Variants in TAOK3 observed in about 807,000 individuals in gnomAD.
TAOK3 encodes serine/threonine-protein kinase TAO3.
In TAOK3, 40 loss-of-function variants were observed where a neutral mutation model predicts 120.4. The observed-to-expected ratio is 0.33, with a 90% confidence interval of 0.26 to 0.43. The LOEUF is 0.43. Among genes scored for constraint, TAOK3 ranks in the 20% least tolerant of loss-of-function variants. TAOK3 has a pLI of 1.00. For missense variants in TAOK3, 821 were observed against 1,112.1 expected (o/e 0.74, Z 3.72); for synonymous variants, 355 against 387.5 (o/e 0.92, Z 0.99).
At chr12:118,174,560 A>G (rs558240246) in intron 16 of TAOK3, among the ~76,000 whole-genome samples, 1 of 152,256 alleles carries the variant, frequency 6.6e-6, no homozygotes, top group East Asian at 1.9e-4. Context: ...CAAATATCTC[A>G]ATGTTACAAA....
intron 1 of TAOK3, among the ~76,000 whole-genome samples, chr12:118,321,329 C>T (rs1343824053): frequency 2.6e-5 from 4 of 152,126 alleles, no homozygotes; most frequent in South Asian, 2.1e-4. Flanking sequence ...GGCACAATCA[C>T]GGCTCACTGC....
At chr12:118,178,597 A>C (rs1238848894) in intron 15 of TAOK3, among the ~76,000 whole-genome samples, 2 of 152,120 alleles carry the variant, frequency 1.3e-5, no homozygotes, top group African/African-American at 4.8e-5. Context: ...AGCTGGGATT[A>C]CAGGCACAAG....
At chr12:118,230,041 A>AT in intron 9 of TAOK3, among the ~76,000 whole-genome samples, 1 of 152,292 alleles carries the variant, frequency 6.6e-6, no homozygotes, top group South Asian at 2.1e-4. Context: ...AGTGGGTACT[A>AT]TCATTATTTC....
chr12:118,215,512 A>C (rs1394884202), intron 9 of TAOK3, among the ~76,000 whole-genome samples: 1 of 151,868 alleles, frequency 6.6e-6, no homozygotes, highest in African/African-American at 2.4e-5. Context: ...ACTCTGTCTC[A>C]AAAGAACAAC....
chr12:118,256,859 C>A (rs750115387), intron 2 of TAOK3, among the ~76,000 whole-genome samples: 1 of 151,902 alleles, frequency 6.6e-6, no homozygotes, highest in Non-Finnish European at 1.5e-5. Flanking sequence ...TGTGACTATA[C>A]CAAAAATCAT....
intron 9 of TAOK3, among the ~76,000 whole-genome samples, chr12:118,226,971 T>C (rs537766429): frequency 1.3e-5 from 2 of 152,272 alleles, no homozygotes; most frequent in South Asian, 2.1e-4. Context: ...GATGATGATC[T>C]TGAATCATCA....
At chr12:118,262,043 T>G (rs1240388505) in intron 2 of TAOK3, among the ~76,000 whole-genome samples, 1 of 152,116 alleles carries the variant, frequency 6.6e-6, no homozygotes, top group Non-Finnish European at 1.5e-5. Flanking sequence ...GTATTTTCAG[T>G]AGAGACGGGG....
At position 118,214,108 on chromosome 12, in the gene TAOK3, C is replaced by T. The variant is rs1162571974; in HGVS notation, c.646G>A (p.Glu216Lys). ...ATGTTGAAAAGGGGCGGCTTCCGTTCCGCTGGAAGAGGAAAGAAACACAAT... is the reference window on the plus strand; with the variant it reads ...ATGTTGAAAAGGGGCGGCTTCCGTTTCGCTGGAAGAGGAAAGAAACACAAT... ...SLGITCIELAERKPPLFNMNA... is the reference protein window; with the variant it reads ...SLGITCIELAKRKPPLFNMNA... Residue 216 changes from glutamate to lysine, a missense_variant and splice_region_variant, in exon 10 of 21, where the codon GAA becomes AAA. Around this residue, in one of 2 missense-constraint regions of TAOK3, gnomAD observed 467 missense variants for 540.0 expected, o/e 0.86. Transcript: ENST00000392533. 1.2e-6 allele frequency: 2 copies of T among 1,607,078 alleles called. No individual in the cohort carries two copies. The highest frequency in any genetic ancestry group is 1.7e-5 in the Admixed American group (1 of 57,724).
chr12:118,289,130 G>A (rs1418832366), intron 1 of TAOK3, among the ~76,000 whole-genome samples: 2 of 151,158 alleles, frequency 1.3e-5, no homozygotes, highest in Non-Finnish European at 3.0e-5. Context: ...GTGAAACCCT[G>A]TCTCTACTAA....
In TAOK3 at chr12:118,266,756, C is replaced by G; in HGVS notation, c.-190G>C. 2.5e-6 allele frequency: 1 copy of G among 397,078 alleles called. No homozygotes were observed. Among genetic ancestry groups the G allele is most frequent in the South Asian group, 1.3e-4 (1 of 7,832 alleles). 24.6% of individuals were successfully genotyped at this position (397,078 alleles called of 1,614,324 possible). A position where few individuals can be genotyped will look rare whatever the true frequency, so the allele number is the denominator to read the frequency against. On this transcript the variant is annotated 5_prime_UTR_variant, in exon 2 of 21. Transcript: ENST00000392533. ...ACTTCAGTCCTTTGTATTTATGATG[C>G]AACCTATAGAAAAAGAAGAACAAAA...
intron 9 of TAOK3, among the ~76,000 whole-genome samples, chr12:118,215,448 C>T (rs1037271355): frequency 1.3e-5 from 2 of 151,464 alleles, no homozygotes; most frequent in African/African-American, 4.8e-5. Context: ...AGAGGCAGAG[C>T]TTGCAGTAAG....
intron 13 of TAOK3, among the ~76,000 whole-genome samples, chr12:118,195,763 G>A (rs1356076201): frequency 1.3e-5 from 2 of 152,126 alleles, no homozygotes; most frequent in Non-Finnish European, 2.9e-5. Flanking sequence ...AAAGAAGACT[G>A]GATTGGGCCA....
chr12:118,266,067 T>G (rs982571026), intron 2 of TAOK3, among the ~76,000 whole-genome samples: 1 of 152,182 alleles, frequency 6.6e-6, no homozygotes, highest in Admixed American at 6.5e-5. Flanking sequence ...AGAAAATAAT[T>G]TGACAATAGG....
chr12:118,223,108 C>T (rs1387726394), intron 9 of TAOK3, among the ~76,000 whole-genome samples: 1 of 132,826 alleles, frequency 7.5e-6, no homozygotes, highest in Non-Finnish European at 1.5e-5. Context: ...CTCGCACTGT[C>T]GCCTAGGCTG....
chr12:118,206,285 T>C (rs772348946), intron 11 of TAOK3, among the ~76,000 whole-genome samples: 4 of 152,238 alleles, frequency 2.6e-5, no homozygotes, highest in Non-Finnish European at 5.9e-5. Context: ...TTGGACTGCT[T>C]ACGCCACTTC....
chr12:118,235,678 G>GAAAA lies in TAOK3; in HGVS notation c.438-11_438-8dup. ...ATTTCCTGCTTTAATATCCCTATAG[G>GAAAA]AAAAAAAAAAAGGGTTAGAAAATTA... On this transcript the variant is annotated splice_polypyrimidine_tract_variant and splice_region_variant and intron_variant, in intron 7 of 20. Transcript: ENST00000392533. 1.5e-6 allele frequency: 2 copies of GAAAA among 1,324,744 alleles called. No homozygotes were observed. Among genetic ancestry groups the GAAAA allele is most frequent in the Non-Finnish European group, 2.1e-6 (2 of 957,274 alleles). The allele number at this position is 1,324,744 out of a possible 1,614,324, so 82.1% of individuals were successfully genotyped here. A position where few individuals can be genotyped will look rare whatever the true frequency, so the allele number is the denominator to read the frequency against.
chr12:118,186,729 AT>A (rs1267089636), intron 14 of TAOK3, among the ~76,000 whole-genome samples: 1 of 152,240 alleles, frequency 6.6e-6, no homozygotes, highest in Non-Finnish European at 1.5e-5. Context: ...TTAGAAAATT[AT>A]AAAAATTATA....
intron 1 of TAOK3, among the ~76,000 whole-genome samples, chr12:118,365,386 A>C (rs10082823): frequency 0.28 from 41,444 of 148,908 alleles, 6,647 homozygotes; most frequent in African/African-American, 0.46. Flanking sequence ...GCGTGCAAAC[A>C]CACGCCCAGC....
At chr12:118,199,340 A>G in intron 12 of TAOK3, 83 bp from the exon 13 acceptor site, 2 of 1,118,310 alleles carry the variant, frequency 1.8e-6, no homozygotes, top group Non-Finnish European at 2.7e-6. Flanking sequence ...AGCACACTCA[A>G]TTTTGCAGTG....
Sources: gnomAD v4.1 joint callset for allele counts (sites outside exome capture counted in the v4.1 genomes callset) on GRCh38, gnomAD v4.1.1 for gene constraint, gnomAD v4.1.1 regional missense constraint, MANE v1.5 for transcripts, NCBI Gene and HGNC (gene_info 2026-07-23, HGNC 2026-07-21) for gene names.